CNBD1: variants seen among roughly 807,000 people sequenced by gnomAD.
The protein encoded by CNBD1 is cyclic nucleotide binding domain containing 1.
Under a neutral mutation model 54.4 loss-of-function variants are expected in CNBD1, and 71 were observed. That is an observed-to-expected ratio of 1.30 (90% CI 1.08 to 1.59). The LOEUF is 1.59. CNBD1 is among the 40% of genes most tolerant of loss of function. The probability of loss-of-function intolerance (pLI) is 0.00; values close to 1 mark genes in which losing one functional copy is unlikely to be tolerated. For missense variants in CNBD1, 659 were observed against 518.0 expected (o/e 1.27, Z -2.64); for synonymous variants, 182 against 170.7 (o/e 1.07, Z -0.51).
chr8:87,041,299 A>T (rs1810062762), intron 4 of CNBD1, among the ~76,000 whole-genome samples: 1 of 152,162 alleles, frequency 6.6e-6, no homozygotes, highest in Non-Finnish European at 1.5e-5. Flanking sequence ...TAACTTATGG[A>T]TATCCCTGAG....
chr8:86,872,062 C>CA (rs1459236163), intron 1 of CNBD1, among the ~76,000 whole-genome samples: 2 of 152,214 alleles, frequency 1.3e-5, no homozygotes, highest in Non-Finnish European at 2.9e-5. Flanking sequence ...TGCAAGTCAT[C>CA]AATCCAAGAT....
intron 4 of CNBD1, among the ~76,000 whole-genome samples, chr8:86,950,810 T>C (rs1257050529): frequency 6.6e-6 from 1 of 152,178 alleles, no homozygotes; most frequent in Non-Finnish European, 1.5e-5. Context: ...ACAGATTTGA[T>C]CTTTTTACTT....
intron 4 of CNBD1, among the ~76,000 whole-genome samples, chr8:86,998,024 A>G (rs976518743): frequency 6.6e-6 from 1 of 152,142 alleles, no homozygotes; most frequent in African/African-American, 2.4e-5. Flanking sequence ...CCCATGTTAT[A>G]GCACAAAGGC....
At chr8:86,998,044 T>G (rs1808914771) in intron 4 of CNBD1, among the ~76,000 whole-genome samples, 1 of 152,140 alleles carries the variant, frequency 6.6e-6, no homozygotes, top group Non-Finnish European at 1.5e-5. Flanking sequence ...CAAATACATT[T>G]CATAAAATAC....
intron 2 of CNBD1, among the ~76,000 whole-genome samples, chr8:86,894,715 A>G (rs1233201252): frequency 6.6e-6 from 1 of 152,036 alleles, no homozygotes; most frequent in Non-Finnish European, 1.5e-5. Context: ...TCAACCCCTG[A>G]CAACCACTGA....
rs551178687 is a variant in CNBD1, at chr8:87,307,713, G to T, written c.1042+21042G>T. Among the ~76,000 whole-genome samples, 11 of 146,316 alleles carry T rather than the reference G, an allele frequency of 7.5e-5. No homozygotes were observed. The East Asian group carries it at 2.0e-3, about 26-fold the overall frequency. On this transcript the variant is annotated intron_variant, in intron 8 of 10. Transcript: ENST00000518476. The stretch of plus-strand genomic sequence containing the variant: ...AGATTGTGCCATTGCATTCCAGCCT[G>T]GGCAAAAGAGTGAAACTCCGTCTCA...
intron 3 of CNBD1, among the ~76,000 whole-genome samples, 162 bp from the exon 4 acceptor site, chr8:86,939,434 T>A (rs528648386): frequency 6.6e-6 from 1 of 152,324 alleles, no homozygotes; most frequent in African/African-American, 2.4e-5. Flanking sequence ...ATAACTGTAC[T>A]ATGGAGATTG....
intron 2 of CNBD1, among the ~76,000 whole-genome samples, chr8:87,397,504 A>T (rs978507991): frequency 6.6e-6 from 1 of 151,932 alleles, no homozygotes; most frequent in African/African-American, 2.4e-5. Flanking sequence ...ATTTACCTCT[A>T]CTAATGGCAG....
At chr8:87,369,251 C>A (rs984294455) in intron 10 of CNBD1, among the ~76,000 whole-genome samples, 11 of 152,022 alleles carry the variant, frequency 7.2e-5, no homozygotes, top group African/African-American at 2.7e-4. Context: ...AGCTAAGAAG[C>A]CCTGAACTCA....
chr8:87,362,591 A>G (rs1435547315), intron 10 of CNBD1, among the ~76,000 whole-genome samples: 1 of 152,026 alleles, frequency 6.6e-6, no homozygotes, highest in Non-Finnish European at 1.5e-5. Context: ...ATAAAGTTAC[A>G]TTCTACCAAA....
At chr8:87,322,524 T>A (rs1346098420) in intron 8 of CNBD1, among the ~76,000 whole-genome samples, 1 of 121,102 alleles carries the variant, frequency 8.3e-6, no homozygotes, top group Non-Finnish European at 1.8e-5. Context: ...TATCTCATAG[T>A]GGTTTTGATT....
intron 2 of CNBD1, among the ~76,000 whole-genome samples, chr8:87,410,039 A>G (rs1807715594): frequency 6.6e-6 from 1 of 151,974 alleles, no homozygotes; most frequent in East Asian, 1.9e-4. Context: ...AAAAAGAATT[A>G]AGTTAAATTT....
chr8:87,325,334 C>G (rs1809643592), intron 8 of CNBD1, among the ~76,000 whole-genome samples: 2 of 92,896 alleles, frequency 2.2e-5, no homozygotes, highest in South Asian at 5.5e-4. Context: ...TGGTACAGAG[C>G]TGAGTTCAAT....
chr8:87,299,795 G>T (rs1808948813), intron 8 of CNBD1, among the ~76,000 whole-genome samples: 1 of 152,142 alleles, frequency 6.6e-6, no homozygotes, highest in Non-Finnish European at 1.5e-5. Context: ...ACACATAGTG[G>T]TAGGATCATG....
intron 2 of CNBD1, among the ~76,000 whole-genome samples, chr8:86,891,801 A>G (rs1393672860): frequency 6.6e-6 from 1 of 152,058 alleles, no homozygotes; most frequent in Non-Finnish European, 1.5e-5. Context: ...GGTTAAATTC[A>G]CACCTAAGTA....
intron 4 of CNBD1, among the ~76,000 whole-genome samples, chr8:87,176,658 T>A (rs1813204998): frequency 6.6e-6 from 1 of 150,886 alleles, no homozygotes; most frequent in Admixed American, 6.6e-5. Context: ...CTAAATTTTT[T>A]TTTTTTTTTT....
intron 4 of CNBD1, among the ~76,000 whole-genome samples, chr8:87,149,218 T>G (rs1369025787): frequency 6.6e-6 from 1 of 152,178 alleles, no homozygotes; most frequent in Non-Finnish European, 1.5e-5. Context: ...TAACATTGAG[T>G]GTACTGATTT....
chr8:87,379,063 A>G (rs1012961691), intron 10 of CNBD1, among the ~76,000 whole-genome samples: 15 of 150,936 alleles, frequency 9.9e-5, no homozygotes, highest in East Asian at 1.9e-4. Flanking sequence ...GGCTGAGACA[A>G]TGGGGTTTTC....
chr8:87,324,765 A>G (rs1245490769), intron 8 of CNBD1, among the ~76,000 whole-genome samples: 2 of 146,450 alleles, frequency 1.4e-5, no homozygotes, highest in Non-Finnish European at 3.0e-5. Context: ...TCCTGGATTC[A>G]TTGATTTTTT....
Sources: gnomAD v4.1 joint callset for allele counts (sites outside exome capture counted in the v4.1 genomes callset) on GRCh38, gnomAD v4.1.1 for gene constraint, MANE v1.5 for transcripts, NCBI Gene and HGNC (gene_info 2026-07-23, HGNC 2026-07-21) for gene names.